Variants in TUSC3 observed in about 807,000 individuals in gnomAD.
TUSC3 encodes the protein dolichyl-diphosphooligosaccharide--protein glycosyltransferase subunit TUSC3.
In TUSC3, 45 loss-of-function variants were observed where a neutral mutation model predicts 44.8. That is an observed-to-expected ratio of 1.00 (90% CI 0.79 to 1.29). The LOEUF (loss-of-function observed/expected upper bound fraction) is 1.29, where lower values mean the gene tolerates loss of function less well. Ranked by LOEUF, TUSC3 falls within the 50% of genes most tolerant of loss-of-function variation. The pLI is 0.00. For missense variants in TUSC3, 519 were observed against 437.9 expected, an observed-to-expected ratio of 1.19 and a Z score of -1.65; for synonymous variants, 212 against 152.9, an observed-to-expected ratio of 1.39 and a Z score of -2.85.
chr8:15,748,624 G>A (rs746281448), intron 9 of TUSC3, 159 bp downstream of exon 9: 8 of 760,024 alleles, frequency 1.1e-5, no homozygotes, highest in Middle Eastern at 4.6e-4. Context: ...TCAGCATAGT[G>A]AAGTACACAA....
intron 6 of TUSC3, 49 bp downstream of exon 6, chr8:15,673,885 A>G: frequency 6.9e-7 from 1 of 1,455,000 alleles, no homozygotes. Flanking sequence ...ATCCAGCTTA[A>G]TTTAGGAATA....
At chr8:15,805,108 G>T in the TUSC3 span, among the ~76,000 whole-genome samples, 8 of 152,032 alleles carry the variant, frequency 5.3e-5, no homozygotes, top group Non-Finnish European at 7.4e-5. Flanking sequence ...AAATGAGAAC[G>T]TGTTCCTGAT....
At chr8:15,619,419 A>T (rs1805142359) in intron 1 of TUSC3, among the ~76,000 whole-genome samples, 3 of 152,218 alleles carry the variant, frequency 2.0e-5, no homozygotes, top group Non-Finnish European at 4.4e-5. Context: ...ATAAGCAGAA[A>T]GAAAACAATT....
chr8:15,789,253 G>A, the TUSC3 span, among the ~76,000 whole-genome samples: 25 of 152,166 alleles, frequency 1.6e-4, no homozygotes, highest in Non-Finnish European at 8.8e-5. Context: ...CTCAGCAGTT[G>A]CTTGCAATGT....
chr8:15,547,962 T>C (rs1801931224), intron 1 of TUSC3, among the ~76,000 whole-genome samples: 1 of 151,768 alleles, frequency 6.6e-6, no homozygotes, highest in Admixed American at 6.6e-5. Flanking sequence ...CTTTTTTCTG[T>C]TATTTTTAAC....
the TUSC3 span, among the ~76,000 whole-genome samples, chr8:15,848,248 C>T: frequency 2.9e-3 from 435 of 152,296 alleles, 3 homozygotes; most frequent in African/African-American, 0.01. Flanking sequence ...GACAGTTCCC[C>T]AGGTGGCCTT....
At chr8:15,691,895 C>T (rs1808917075) in intron 6 of TUSC3, among the ~76,000 whole-genome samples, 1 of 152,118 alleles carries the variant, frequency 6.6e-6, no homozygotes, top group Non-Finnish European at 1.5e-5. Flanking sequence ...TCTCTTGCCT[C>T]AGCCTCACCC....
intron 1 of TUSC3, among the ~76,000 whole-genome samples, chr8:15,577,840 A>G (rs554407334): frequency 6.7e-6 from 1 of 149,864 alleles, no homozygotes; most frequent in African/African-American, 2.5e-5. Context: ...GTTTTTTCCA[A>G]TTCTGTGAGG....
intron 1 of TUSC3, among the ~76,000 whole-genome samples, chr8:15,584,744 G>T (rs1031390669): frequency 6.6e-6 from 1 of 152,110 alleles, no homozygotes; most frequent in Non-Finnish European, 1.5e-5. Context: ...ATCCCAGGTA[G>T]TGAGAACAGG....
chr8:15,699,130 G>A (rs1809291928), intron 6 of TUSC3, among the ~76,000 whole-genome samples: 1 of 152,120 alleles, frequency 6.6e-6, no homozygotes, highest in Non-Finnish European at 1.5e-5. Context: ...TTACAGAGGT[G>A]AGCCAACCAT....
chr8:15,474,358 A>G (rs928283819), intron 1 of TUSC3, among the ~76,000 whole-genome samples: 2 of 152,218 alleles, frequency 1.3e-5, no homozygotes, highest in Admixed American at 1.3e-4. Flanking sequence ...GCTTACAAAG[A>G]TAACAGGATT....
intron 2 of TUSC3, among the ~76,000 whole-genome samples, chr8:15,535,169 T>C (rs1453142984): frequency 2.0e-5 from 3 of 152,232 alleles, no homozygotes; most frequent in Non-Finnish European, 2.9e-5. Context: ...GAATGATATA[T>C]AGCAGGTTAG....
the TUSC3 span, among the ~76,000 whole-genome samples, chr8:15,820,310 C>CTTTTTT: frequency 2.0e-5 from 2 of 97,572 alleles, no homozygotes; most frequent in Admixed American, 1.1e-4. Context: ...ATCTGTAATT[C>CTTTTTT]TTTTTTTTTT....
At chr8:15,702,310 C>G (rs1809441442) in intron 6 of TUSC3, among the ~76,000 whole-genome samples, 1 of 152,172 alleles carries the variant, frequency 6.6e-6, no homozygotes, top group South Asian at 2.1e-4. Context: ...TGTTGAGCCA[C>G]TTCTTAAACA....
chr8:15,534,317 G>A (rs1156516092), intron 2 of TUSC3, among the ~76,000 whole-genome samples: 1 of 152,000 alleles, frequency 6.6e-6, no homozygotes, highest in Non-Finnish European at 1.5e-5. Context: ...ACAAAACTAG[G>A]GTTAAATTTC....
chr8:15,720,198 A>ATT (rs1401919018), intron 6 of TUSC3, among the ~76,000 whole-genome samples: 6 of 125,742 alleles, frequency 4.8e-5, no homozygotes, highest in Non-Finnish European at 8.0e-5. Flanking sequence ...GTGTATATAT[A>ATT]TATACACACA....
intron 1 of TUSC3, among the ~76,000 whole-genome samples, chr8:15,572,491 G>C (rs767893855): frequency 5.9e-5 from 9 of 152,166 alleles, no homozygotes; most frequent in Non-Finnish European, 8.8e-5. Context: ...CAATAAGGCT[G>C]TTTTGCTTTC....
intron 1 of TUSC3, among the ~76,000 whole-genome samples, chr8:15,572,720 T>C (rs371028205): frequency 3.2e-4 from 49 of 152,138 alleles, no homozygotes; most frequent in African/African-American, 1.1e-3. Context: ...GAGGTCATTG[T>C]TGGGTTATTC....
intron 7 of TUSC3, among the ~76,000 whole-genome samples, chr8:15,740,495 C>A (rs1585288833): frequency 1.3e-5 from 2 of 151,430 alleles, no homozygotes; most frequent in Non-Finnish European, 1.5e-5. Flanking sequence ...GAAAAAGCAA[C>A]TGTGCTTTTG....
Sources: gnomAD v4.1 joint callset for allele counts (sites outside exome capture counted in the v4.1 genomes callset) on GRCh38, gnomAD v4.1.1 for gene constraint, MANE v1.5 for transcripts, NCBI Gene and HGNC (gene_info 2026-07-23, HGNC 2026-07-21) for gene names.